The following MRPL37 variants were observed in gnomAD, a reference collection of about 807,000 sequenced individuals.
MRPL37 encodes the protein large ribosomal subunit protein mL37.
Under a neutral mutation model 44.1 loss-of-function variants are expected in MRPL37, and 34 were observed. The ratio of observed to expected loss-of-function variants is 0.77; its 90% CI spans 0.59 to 1.03. MRPL37 has a LOEUF of 1.03. Ranked by LOEUF, MRPL37 falls within the 50% of genes least tolerant of loss-of-function variation. The pLI, the probability that MRPL37 is intolerant of heterozygous loss-of-function variation, is 0.00. For synonymous variants in MRPL37, 212 were observed against 219.5 expected (o/e 0.97, Z 0.30); for missense variants, 532 against 543.7 (o/e 0.98, Z 0.21).
In MRPL37 at chr1:54,200,216, G is replaced by T; in HGVS notation, c.-28G>T. Reference sequence around the variant, plus strand: ...CGCGCGGCAACATGGCGGGGTCCAGGTGGAGGTCTTGAGGCTATCAGATCG... The same window carrying T: ...CGCGCGGCAACATGGCGGGGTCCAGTTGGAGGTCTTGAGGCTATCAGATCG... On this transcript the variant is annotated 5_prime_UTR_variant, in exon 1 of 7. Coordinates refer to ENST00000360840, the MANE Select transcript of MRPL37 (RefSeq NM_016491.4). 2.6e-6 allele frequency: 4 copies of T among 1,520,098 alleles called. No homozygotes were observed. The highest frequency in any genetic ancestry group is 3.5e-6 in the Non-Finnish European group (4 of 1,140,884). The allele number at this position is 1,520,098 out of a possible 1,614,324, so 94.2% of individuals were successfully genotyped here. A position where few individuals can be genotyped will look rare whatever the true frequency, so the allele number is the denominator to read the frequency against.
chr1:54,222,402 G>A (rs1487340567), downstream of MRPL37, among the ~76,000 whole-genome samples: 3 of 152,156 alleles, frequency 2.0e-5, no homozygotes, highest in Non-Finnish European at 4.4e-5. Context: ...GAGGTGAAGT[G>A]CTGAGGGGCA....
In MRPL37 at chr1:54,212,642, C is replaced by T; in HGVS notation, c.974C>T (p.Ala325Val). ...LFAFGSALAQ[A>V]RLLYGNDAKV... ...GCTTTTGGCAGTGCCCTGGCTCAGGCCCGGCTCCTCTATGGGGTATGTAGG... is the reference window on the plus strand; with the variant it reads ...GCTTTTGGCAGTGCCCTGGCTCAGGTCCGGCTCCTCTATGGGGTATGTAGG... The change falls in exon 5 of 7, where the codon GCC becomes GTC. Residue 325 changes from alanine (A) to valine (V), a missense_variant. Coordinates refer to ENST00000360840, the MANE Select transcript of MRPL37 (RefSeq NM_016491.4). 6.2e-7 allele frequency: 1 copy of T among 1,614,208 alleles called. No individual in the cohort carries two copies. Among genetic ancestry groups the T allele is most frequent in the African/African-American group, 1.3e-5 (1 of 75,058 alleles).
chr1:54,200,646 G>A (rs1350086613), intron 1 of MRPL37, 57 bp downstream of exon 1: 4 of 1,508,808 alleles, frequency 2.7e-6, no homozygotes, highest in Admixed American at 4.2e-5. Context: ...CACCGACCCC[G>A]ACCCTCTGTG....
chr1:54,217,439 G>A (rs12565096), intron 6 of MRPL37, among the ~76,000 whole-genome samples: 2 of 152,122 alleles, frequency 1.3e-5, no homozygotes, highest in Non-Finnish European at 2.9e-5. Flanking sequence ...TACTGACTCA[G>A]GGCTGGGCCT....
chr1:54,218,329 GC>G lies in MRPL37; in HGVS notation c.*83del. 1 of 1,604,724 alleles carries G rather than the reference GC, an allele frequency of 6.2e-7. No homozygotes were observed. The highest frequency in any genetic ancestry group is 8.5e-7 in the Non-Finnish European group (1 of 1,176,554). On this transcript the variant is annotated 3_prime_UTR_variant, in exon 7 of 7. Transcript: ENST00000360840. ...GGCCTGGGCCCCGTGGAGCCTCAGTGCCCGTTTGGCCTGCTGCTCTCGCTGA... is the reference window on the plus strand; with the variant it reads ...GGCCTGGGCCCCGTGGAGCCTCAGTGCCGTTTGGCCTGCTGCTCTCGCTGA...
At chr1:54,206,684 A>G (rs950359633) in intron 3 of MRPL37, among the ~76,000 whole-genome samples, 1 of 151,660 alleles carries the variant, frequency 6.6e-6, no homozygotes, top group African/African-American at 2.4e-5. Context: ...TGCTGGGATT[A>G]CAGACATGAG....
At position 54,202,310 on chromosome 1, in the gene MRPL37, C is replaced by A. The variant is rs548601456; in HGVS notation, c.346+1721C>A. Among the ~76,000 whole-genome samples the A allele has an allele frequency of 1.5e-4, 23 of 152,146 alleles. No individual in the cohort carries two copies. The South Asian group carries it at 1.7e-3, about 11-fold the overall frequency. ...AGCCACTGCCCCTGCCCAAAAGTTA[C>A]ATTTCTAAACATTTATATTCATATT... On this transcript the variant is annotated intron_variant, in intron 1 of 6. Transcript: ENST00000360840.
downstream of MRPL37, among the ~76,000 whole-genome samples, chr1:54,219,903 T>G (rs1644221525): frequency 6.6e-6 from 1 of 152,264 alleles, no homozygotes; most frequent in African/African-American, 2.4e-5. Context: ...TTCGTTCTTT[T>G]GAGCAGCCAC....
chr1:54,216,036 C>T (rs546825658), intron 5 of MRPL37, 105 bp from the exon 6 acceptor site: 503 of 1,156,618 alleles, frequency 4.3e-4, no homozygotes, highest in Admixed American at 9.3e-4. Context: ...ATTCAGTGGA[C>T]GTAGGTGGAC....
intron 5 of MRPL37, among the ~76,000 whole-genome samples, chr1:54,214,784 A>C (rs1217466911): frequency 2.6e-5 from 4 of 152,242 alleles, no homozygotes; most frequent in African/African-American, 9.6e-5. Flanking sequence ...TCCATGTAAA[A>C]GGTAAAATTG....
At chr1:54,210,356 C>T (rs1644155360) in intron 4 of MRPL37, among the ~76,000 whole-genome samples, 2 of 152,136 alleles carry the variant, frequency 1.3e-5, no homozygotes, top group African/African-American at 4.8e-5. Context: ...CAAAGACTAA[C>T]TTTACTTTTT....
chr1:54,219,787 A>G (rs180823070), downstream of MRPL37, among the ~76,000 whole-genome samples: 10 of 152,328 alleles, frequency 6.6e-5, no homozygotes, highest in African/African-American at 2.4e-4. Flanking sequence ...CAACACACAT[A>G]TATACATGAC....
chr1:54,206,090 GTTTA>G (rs201533443), intron 3 of MRPL37, among the ~76,000 whole-genome samples: 105 of 151,630 alleles, frequency 6.9e-4, no homozygotes, highest in African/African-American at 2.1e-3. Flanking sequence ...TTTTATTTTT[GTTTA>G]TTTATTTATT....
chr1:54,223,611 A>G (rs973185271), downstream of MRPL37, among the ~76,000 whole-genome samples: 11 of 152,148 alleles, frequency 7.2e-5, no homozygotes, highest in Non-Finnish European at 1.3e-4. Flanking sequence ...GCAGGGAGGC[A>G]GGTGTGGGGT....
At chr1:54,213,639 A>G (rs971666288) in intron 5 of MRPL37, among the ~76,000 whole-genome samples, 3 of 152,206 alleles carry the variant, frequency 2.0e-5, no homozygotes, top group African/African-American at 7.2e-5. Context: ...CTTGTTGAAA[A>G]GGCATACTCT....
At chr1:54,218,089 A>G in intron 6 of MRPL37, 83 bp from the exon 7 acceptor site, 7 of 1,259,306 alleles carry the variant, frequency 5.6e-6, no homozygotes, top group Non-Finnish European at 8.2e-6. Flanking sequence ...CCAGGCACTG[A>G]AGATTTACTT....
At chr1:54,213,708 G>A (rs1644179377) in intron 5 of MRPL37, among the ~76,000 whole-genome samples, 2 of 152,304 alleles carry the variant, frequency 1.3e-5, no homozygotes, top group African/African-American at 2.4e-5. Context: ...AGCGATCAGC[G>A]TTTTAACAAG....
downstream of MRPL37, among the ~76,000 whole-genome samples, chr1:54,220,327 G>C (rs1328058216): frequency 1.3e-5 from 2 of 152,166 alleles, no homozygotes; most frequent in Admixed American, 6.5e-5. Context: ...TGCCTGGAAG[G>C]GGGCCAGGGT....
intron 5 of MRPL37, among the ~76,000 whole-genome samples, chr1:54,213,113 G>C (rs1359128622): frequency 6.6e-6 from 1 of 152,238 alleles, no homozygotes; most frequent in African/African-American, 2.4e-5. Flanking sequence ...AGCCCTGCCT[G>C]CCAACTCAGG....
Sources: gnomAD v4.1 joint callset for allele counts (sites outside exome capture counted in the v4.1 genomes callset) on GRCh38, gnomAD v4.1.1 for gene constraint, MANE v1.5 for transcripts, NCBI Gene and HGNC (gene_info 2026-07-23, HGNC 2026-07-21) for gene names.